PCP4L1: variants seen among roughly 807,000 people sequenced by gnomAD.
The protein encoded by PCP4L1 is Purkinje cell protein 4-like protein 1.
PCP4L1 carries 9 observed loss-of-function variants against 9.6 expected under a neutral mutation model. The ratio of observed to expected loss-of-function variants is 0.94; its 90% confidence interval spans 0.57 to 1.64. The LOEUF is 1.64. Among genes scored for constraint, PCP4L1 ranks in the 40% most tolerant of loss-of-function variants. The probability of loss-of-function intolerance (pLI) is 0.00; values close to 1 mark genes in which losing one functional copy is unlikely to be tolerated. For synonymous variants in PCP4L1, 31 were observed against 28.2 expected, an observed-to-expected ratio of 1.10 and a Z score of -0.31; for missense variants, 81 against 80.8, an observed-to-expected ratio of 1.00 and a Z score of -0.01.
rs535600655 is a variant in PCP4L1, at chr1:161,281,948, G to A, written c.10-1720G>A. 4.6e-5 allele frequency among the ~76,000 whole-genome samples: 7 copies of A among 151,980 alleles called. No homozygotes were observed. The South Asian group carries it at 6.2e-4, about 14-fold the overall frequency. On this transcript the variant is annotated intron_variant, in intron 1 of 2. Transcript: ENST00000504449. ...GCTCCTCACATCCCAGACGATGGGCGGCCAGGCAGAGACGCTCCTCACTTC... is the reference window on the plus strand; with the variant it reads ...GCTCCTCACATCCCAGACGATGGGCAGCCAGGCAGAGACGCTCCTCACTTC...
At chr1:161,262,640 C>T (rs1229248185) in intron 1 of PCP4L1, among the ~76,000 whole-genome samples, 1 of 152,132 alleles carries the variant, frequency 6.6e-6, no homozygotes, top group African/African-American at 2.4e-5. Context: ...TTTCTCTCAA[C>T]TACAGCTGTG....
chr1:161,260,269 C>A (rs989266855), intron 1 of PCP4L1, among the ~76,000 whole-genome samples: 3 of 152,148 alleles, frequency 2.0e-5, no homozygotes, highest in Admixed American at 2.0e-4. Context: ...TTGCCGTGTT[C>A]ACTAATTTTA....
At chr1:161,282,652 T>C (rs932391635) in intron 1 of PCP4L1, among the ~76,000 whole-genome samples, 1 of 152,164 alleles carries the variant, frequency 6.6e-6, no homozygotes, top group Non-Finnish European at 1.5e-5. Context: ...TCTTGGATAA[T>C]TAATAGCCAT....
Position 161,284,651 on chromosome 1 carries a change from G to T in PCP4L1, c.*170G>T. ...AGCCATCACAGAAGTAGAGGCACAA[G>T]AGAGGTGGAGAAGATGAAGACTTCA... On this transcript the variant is annotated 3_prime_UTR_variant, in exon 3 of 3. Coordinates refer to ENST00000504449, the MANE Select transcript of PCP4L1 (RefSeq NM_001102566.2). 1.2e-6 allele frequency: 1 copy of T among 840,612 alleles called. No individual in the cohort carries two copies. Among genetic ancestry groups the T allele is most frequent in the Non-Finnish European group, 1.8e-6 (1 of 544,662 alleles). 52.1% of individuals were successfully genotyped at this position (840,612 alleles called of 1,614,324 possible). A position where few individuals can be genotyped will look rare whatever the true frequency, so the allele number is the denominator to read the frequency against.
chr1:161,261,751 A>T (rs1221350582), intron 1 of PCP4L1, among the ~76,000 whole-genome samples: 1 of 152,218 alleles, frequency 6.6e-6, no homozygotes, highest in Admixed American at 6.5e-5. Flanking sequence ...ACCATTGGTG[A>T]CAGTCTTCAT....
Position 161,259,434 on chromosome 1 carries a change from C to T in PCP4L1, c.9+451C>T, listed in dbSNP as rs150224979. Among the ~76,000 whole-genome samples, 10 of 152,302 alleles carry T rather than the reference C, an allele frequency of 6.6e-5. No homozygotes were observed. In the East Asian group the frequency reaches 1.9e-3, roughly 29 times the overall value. On this transcript the variant is annotated intron_variant, in intron 1 of 2. Transcript: ENST00000504449. ...TCCATCCCTGGCCCCCGGGGAGGGC[C>T]ACTGTGCCCCTTTTAGAAAGGTGGC...
intron 1 of PCP4L1, among the ~76,000 whole-genome samples, chr1:161,282,063 G>A (rs926642236): frequency 2.0e-5 from 3 of 152,170 alleles, no homozygotes; most frequent in East Asian, 1.9e-4. Flanking sequence ...TGTAGCAAGC[G>A]GAGATCATGC....
intron 1 of PCP4L1, among the ~76,000 whole-genome samples, chr1:161,268,942 G>C (rs1383737663): frequency 6.6e-6 from 1 of 152,186 alleles, no homozygotes; most frequent in Non-Finnish European, 1.5e-5. Context: ...CACACAGCTA[G>C]GAATGACAGA....
chr1:161,281,947 C>T (rs1287532205), intron 1 of PCP4L1, among the ~76,000 whole-genome samples: 2 of 151,812 alleles, frequency 1.3e-5, no homozygotes, highest in Non-Finnish European at 2.9e-5. Flanking sequence ...AGACGATGGG[C>T]GGCCAGGCAG....
At position 161,266,975 on chromosome 1, in the gene PCP4L1, T is replaced by C. The variant is rs564535158; in HGVS notation, c.9+7992T>C. On this transcript the variant is annotated intron_variant, in intron 1 of 2. Transcript: ENST00000504449. ...TTGGAGGAGAATATGTCAGAAGGGATAAAAGGGTCCCAGGGTGGAGTGGGA... is the reference window on the plus strand; with the variant it reads ...TTGGAGGAGAATATGTCAGAAGGGACAAAAGGGTCCCAGGGTGGAGTGGGA... 2.0e-5 allele frequency among the ~76,000 whole-genome samples: 3 copies of C among 152,228 alleles called. No individual in the cohort carries two copies. In the East Asian group the frequency reaches 5.8e-4, roughly 29 times the overall value.
At chr1:161,278,834 G>C (rs1270951233) in intron 1 of PCP4L1, among the ~76,000 whole-genome samples, 1 of 152,078 alleles carries the variant, frequency 6.6e-6, no homozygotes. Context: ...TGAGGCTGGA[G>C]TGCAGTGGCG....
chr1:161,271,735 C>T (rs1297930689), intron 1 of PCP4L1, among the ~76,000 whole-genome samples: 1 of 152,182 alleles, frequency 6.6e-6, no homozygotes, highest in Non-Finnish European at 1.5e-5. Context: ...AATGCCTGAC[C>T]TCATGATCTG....
rs559580154 is a variant in PCP4L1 at position 161,275,792 on chromosome 1, T to C, written c.10-7876T>C. Among the ~76,000 whole-genome samples, 4 of 149,886 alleles carry C rather than the reference T, an allele frequency of 2.7e-5. No homozygotes were observed. In the East Asian group the frequency reaches 7.9e-4, roughly 29 times the overall value. ...TTAACTGCATACTCCATCTAGGTCA[T>C]ACTTTTTTTTTTTTTTTTTTTGAGA... On this transcript the variant is annotated intron_variant, in intron 1 of 2. Transcript: ENST00000504449.
chr1:161,262,428 C>T (rs1478786148), intron 1 of PCP4L1, among the ~76,000 whole-genome samples: 4 of 94,514 alleles, frequency 4.2e-5, no homozygotes, highest in African/African-American at 4.2e-5. Context: ...AGCGAGACTC[C>T]ATCTCAAAAA....
At chr1:161,264,022 G>C (rs561132825) in intron 1 of PCP4L1, among the ~76,000 whole-genome samples, 2 of 142,606 alleles carry the variant, frequency 1.4e-5, no homozygotes, top group Non-Finnish European at 1.5e-5. Flanking sequence ...TGATTCTCCT[G>C]CCTCAGCCTC....
chr1:161,269,276 C>G (rs550480824), intron 1 of PCP4L1, among the ~76,000 whole-genome samples: 1 of 152,190 alleles, frequency 6.6e-6, no homozygotes, highest in East Asian at 1.9e-4. Flanking sequence ...TAAGACATTA[C>G]CTGTACCTGT....
chr1:161,279,569 A>T (rs1414384366), intron 1 of PCP4L1, among the ~76,000 whole-genome samples: 1 of 152,252 alleles, frequency 6.6e-6, no homozygotes, highest in African/African-American at 2.4e-5. Flanking sequence ...TCTGGCAGTC[A>T]TTCAACAGAG....
intron 1 of PCP4L1, among the ~76,000 whole-genome samples, chr1:161,270,455 T>A (rs187741240): frequency 6.7e-6 from 1 of 149,696 alleles, no homozygotes; most frequent in Non-Finnish European, 1.5e-5. Flanking sequence ...TATATTGAAA[T>A]CCTAACCCCC....
chr1:161,281,105 C>T (rs1222898753), intron 1 of PCP4L1, among the ~76,000 whole-genome samples: 1 of 152,092 alleles, frequency 6.6e-6, no homozygotes, highest in Non-Finnish European at 1.5e-5. Flanking sequence ...CGCCCCTAAT[C>T]CATTTAACCC....
Sources: allele counts gnomAD v4.1 joint callset (sites outside exome capture counted in the v4.1 genomes callset), GRCh38; gene constraint gnomAD v4.1.1; transcripts MANE v1.5; gene names NCBI Gene and HGNC (gene_info 2026-07-23, HGNC 2026-07-21).